SMG5: variants seen among roughly 807,000 people sequenced by gnomAD.
SMG5 encodes nonsense-mediated mRNA decay factor SMG5.
Under a neutral mutation model 122.9 loss-of-function variants are expected in SMG5, and 53 were observed. The ratio of observed to expected loss-of-function variants is 0.43; its 90% CI spans 0.35 to 0.54. SMG5 has a LOEUF of 0.54. SMG5 is among the 20% of genes least tolerant of loss of function. The pLI, the probability that SMG5 is intolerant of heterozygous loss-of-function variation, is 0.01. For synonymous variants in SMG5, 477 were observed against 490.2 expected (o/e 0.97, Z 0.35); for missense variants, 1,153 against 1,285.6 (o/e 0.90, Z 1.58).
chr1:156,286,093 G>C (rs1305884122), upstream of SMG5: 7 of 1,480,068 alleles, frequency 4.7e-6, no homozygotes, highest in African/African-American at 1.4e-5. Flanking sequence ...GGCCCCTCAG[G>C]GTCTCCCACC....
chr1:156,286,795 C>T (rs751500366), upstream of SMG5, among the ~76,000 whole-genome samples: 4 of 152,198 alleles, frequency 2.6e-5, no homozygotes, highest in Non-Finnish European at 2.9e-5. Context: ...CCCCTGTAAC[C>T]AAATGTACAA....
In SMG5 at chr1:156,272,300, AAG is replaced by A; in HGVS notation, c.713+18_713+19del. On this transcript the variant is annotated intron_variant, in intron 7 of 21. Transcript: ENST00000361813. ...ATGCACACAAAAGCAGGGCTGGAAA[AAG>A]AGCTGGCAAATACTCACCAGCGCAG... 3.8e-6 allele frequency: 6 copies of A among 1,578,182 alleles called. No homozygotes were observed. Among genetic ancestry groups the A allele is most frequent in the Admixed American group, 1.8e-5 (1 of 56,284 alleles).
chr1:156,270,551 G>C (rs527427628), intron 7 of SMG5, among the ~76,000 whole-genome samples: 1 of 152,316 alleles, frequency 6.6e-6, no homozygotes, highest in South Asian at 2.1e-4. Context: ...CCATGAGAGA[G>C]AATTGTTTTA....
At position 156,249,885 on chromosome 1, in the gene SMG5, C is replaced by T; in HGVS notation, c.*702G>A. 2.1e-6 allele frequency: 1 copy of T among 471,256 alleles called. No individual in the cohort carries two copies. The highest frequency in any genetic ancestry group is 4.4e-6 in the Non-Finnish European group (1 of 227,080). 29.2% of individuals were successfully genotyped at this position (471,256 alleles called of 1,614,324 possible). ...GACTGCCTGCAGCCCTAGGTGGGGC[C>T]TGCTCCCTGCCCTGGAAGCTAGACA... On this transcript the variant is annotated 3_prime_UTR_variant, in exon 22 of 22. Transcript: ENST00000361813.
intron 13 of SMG5, among the ~76,000 whole-genome samples, chr1:156,261,714 C>T (rs1252971905): frequency 5.3e-5 from 8 of 151,818 alleles, no homozygotes; most frequent in Non-Finnish European, 1.2e-4. Flanking sequence ...ATGGTGAAAC[C>T]CCATCCCTAC....
At chr1:156,270,004 C>T (rs556463592) in intron 7 of SMG5, among the ~76,000 whole-genome samples, 1 of 152,342 alleles carries the variant, frequency 6.6e-6, no homozygotes, top group African/African-American at 2.4e-5. Context: ...CGCGCCATTG[C>T]ACACCAGCCT....
intron 16 of SMG5, 36 bp from the exon 17 acceptor site, chr1:156,253,544 TG>T (rs1217894902): frequency 6.2e-7 from 1 of 1,603,666 alleles, no homozygotes; most frequent in Admixed American, 1.7e-5. Flanking sequence ...GGAGTTGGGG[TG>T]TATTTTCCCT....
the SMG5 span, chr1:156,291,470 C>T: frequency 6.2e-7 from 1 of 1,613,720 alleles, no homozygotes; most frequent in Non-Finnish European, 8.5e-7. Context: ...GCTGTCGATG[C>T]TGATGTGGAA....
At chr1:156,278,138 CCCA>C in intron 2 of SMG5, 90 bp from the exon 3 acceptor site, 1 of 1,506,922 alleles carries the variant, frequency 6.6e-7, no homozygotes, top group South Asian at 1.2e-5. Context: ...TGCCAACACC[CCCA>C]CCAACAAATC....
In SMG5 at chr1:156,282,759, G is replaced by A; in HGVS notation, c.-79C>T. 5 of 1,445,216 alleles carry A rather than the reference G, an allele frequency of 3.5e-6. No homozygotes were observed. The highest frequency in any genetic ancestry group is 1.3e-5 in the South Asian group (1 of 79,070). 89.5% of individuals were successfully genotyped at this position (1,445,216 alleles called of 1,614,324 possible). On this transcript the variant is annotated 5_prime_UTR_variant, in exon 1 of 22. It adds an upstream start codon to the 5' untranslated region. Coordinates refer to ENST00000361813, the MANE Select transcript of SMG5 (RefSeq NM_015327.3). ...ACCGCCAACACTGCCGTCTCCGGCC[G>A]TAGCCGCAGCCGCCGCCGCCACCGG...
chr1:156,265,034 A>ACACACAC (rs1558237912), intron 12 of SMG5, among the ~76,000 whole-genome samples: 2 of 46,520 alleles, frequency 4.3e-5, no homozygotes, highest in African/African-American at 2.1e-4. Flanking sequence ...TCAAAAAAAA[A>ACACACAC]ATACACACAC....
At chr1:156,265,044 C>A in intron 12 of SMG5, among the ~76,000 whole-genome samples, 1 of 146,812 alleles carries the variant, frequency 6.8e-6, no homozygotes, top group South Asian at 2.3e-4. Flanking sequence ...AATACACACA[C>A]ACACACACAC....
Position 156,282,504 on chromosome 1 carries a change from G to A in SMG5, c.74+103C>T, listed in dbSNP as rs1056785022. ...AAAATTGCACCCTCCTTCCTCACCC[G>A]CACCTCACCCCGACACCCGGGCCCC... is the stretch of plus-strand genomic sequence containing the variant. On this transcript the variant is annotated intron_variant, in intron 1 of 21. Transcript: ENST00000361813. 8 of 1,283,740 alleles carry A rather than the reference G, an allele frequency of 6.2e-6. No homozygotes were observed. In the African/African-American group the frequency reaches 9.0e-5, roughly 14 times the overall value. 79.5% of individuals were successfully genotyped at this position (1,283,740 alleles called of 1,614,324 possible). A position where few individuals can be genotyped will look rare whatever the true frequency, so the allele number is the denominator to read the frequency against.
At chr1:156,256,232 T>C (rs1335353432) in intron 16 of SMG5, among the ~76,000 whole-genome samples, 1 of 150,834 alleles carries the variant, frequency 6.6e-6, no homozygotes, top group Non-Finnish European at 1.5e-5. Context: ...GTGCCAAGAG[T>C]GTCCCCTTGA....
chr1:156,263,363 C>T, intron 13 of SMG5, 32 bp downstream of exon 13: 1 of 1,585,826 alleles, frequency 6.3e-7, no homozygotes, highest in Non-Finnish European at 8.6e-7. Context: ...GACCCTGGGA[C>T]CTGACAGGGG....
chr1:156,266,500 C>T (rs764007343), intron 11 of SMG5, 41 bp downstream of exon 11: 2 of 1,613,534 alleles, frequency 1.2e-6, no homozygotes, highest in Non-Finnish European at 1.7e-6. Flanking sequence ...CCATGCCCCA[C>T]ACCAACCTTT....
At chr1:156,274,767 A>G in intron 4 of SMG5, 81 bp from the exon 5 acceptor site, 1 of 1,151,690 alleles carries the variant, frequency 8.7e-7, no homozygotes, top group Middle Eastern at 2.0e-4. Context: ...TCCGAGATGT[A>G]GAGACTAAGA....
chr1:156,255,229 C>T (rs1225762275), intron 16 of SMG5, among the ~76,000 whole-genome samples: 2 of 151,812 alleles, frequency 1.3e-5, no homozygotes, highest in African/African-American at 4.8e-5. Flanking sequence ...CATGGTGAAA[C>T]CCTGCCTCTA....
In SMG5 at chr1:156,277,200, C is replaced by A. The variant is rs149057742; in HGVS notation, c.339G>T (p.Thr113=). Residue 113 remains threonine (T), a synonymous_variant, in exon 4 of 22, where the codon ACG becomes ACT. Transcript: ENST00000361813. The part of the protein sequence containing the change: ...SRSTLECAYR[T]HLVAGIGFYQ... ...AGAAGCCAATACCAGCAACCAGGTG[C>A]GTCCTGTAGGCACATTCCAAAGTGC... The A allele has an allele frequency of 2.1e-5, 34 of 1,613,834 alleles. No homozygotes were observed. The African/African-American group carries it at 4.4e-4, about 21-fold the overall frequency.
Sources: gnomAD v4.1 joint callset for allele counts (sites outside exome capture counted in the v4.1 genomes callset) on GRCh38, gnomAD v4.1.1 for gene constraint, MANE v1.5 for transcripts, NCBI Gene and HGNC (gene_info 2026-07-23, HGNC 2026-07-21) for gene names.